The following LRP1B variants were observed in gnomAD, a reference collection of about 807,000 sequenced individuals.
LRP1B encodes the protein low-density lipoprotein receptor-related protein 1B.
A neutral mutation model predicts 556.6 loss-of-function variants in LRP1B; 217 were observed. That is an observed-to-expected ratio of 0.39 (90% CI 0.35 to 0.44). The LOEUF (loss-of-function observed/expected upper bound fraction) is 0.44, where lower values mean the gene tolerates loss of function less well. Among genes scored for constraint, LRP1B ranks in the 20% least tolerant of loss-of-function variants. The pLI is 1.00. For missense variants in LRP1B, 5,053 were observed against 5,620.8 expected (o/e 0.90, Z 3.23); for synonymous variants, 2,047 against 1,865.8 (o/e 1.10, Z -2.50).
In LRP1B at chr2:141,662,950, C is replaced by CA. The variant is rs1168250809; in HGVS notation, c.205+147328dup. 1.4e-3 allele frequency among the ~76,000 whole-genome samples: 195 copies of CA among 138,158 alleles called. 5 individuals are homozygous for CA. Among genetic ancestry groups the CA allele is most frequent in the Non-Finnish European group, 2.9e-4 (18 of 62,452 alleles). 90.6% of individuals were successfully genotyped at this position (138,158 alleles called of 152,430 possible). On this transcript the variant is annotated intron_variant, in intron 2 of 90. Transcript: ENST00000389484. ...GAAGTAAAACACTCTTCAGCAAATG[C>CA]AAAAAAAATAAATAAAAAAAAAGAA...
At chr2:140,281,408 G>A (rs1307119927) in intron 84 of LRP1B, among the ~76,000 whole-genome samples, 1 of 151,774 alleles carries the variant, frequency 6.6e-6, no homozygotes, top group Non-Finnish European at 1.5e-5. Flanking sequence ...GAAATTTAAA[G>A]AGAAGAAAAT....
chr2:142,049,191 G>A lies in LRP1B; in HGVS notation c.82+81457C>T, dbSNP rs537004968. Among the ~76,000 whole-genome samples, 13 of 152,084 alleles carry A rather than the reference G, an allele frequency of 8.5e-5. No individual in the cohort carries two copies. In the East Asian group the frequency reaches 1.9e-3, roughly 23 times the overall value. On this transcript the variant is annotated intron_variant, in intron 1 of 90. Transcript: ENST00000389484. ...GTGCATGAACAATCAATCCAGAGAA[G>A]ACAGATGGTCAACAAAGCATTTCAC...
intron 32 of LRP1B, among the ~76,000 whole-genome samples, chr2:140,777,414 T>C (rs1241879130): frequency 3.3e-5 from 5 of 152,176 alleles, no homozygotes; most frequent in Non-Finnish European, 7.4e-5. Flanking sequence ...CTAGCATTCA[T>C]GGGAATCAAA....
At chr2:141,955,656 G>T (rs1344497779) in intron 1 of LRP1B, among the ~76,000 whole-genome samples, 1 of 152,024 alleles carries the variant, frequency 6.6e-6, no homozygotes, top group Non-Finnish European at 1.5e-5. Flanking sequence ...ATGAAGCTAG[G>T]TTATTTATTC....
chr2:140,938,613 G>A (rs1695300989), intron 20 of LRP1B, among the ~76,000 whole-genome samples: 1 of 152,066 alleles, frequency 6.6e-6, no homozygotes, highest in African/African-American at 2.4e-5. Flanking sequence ...ACAGGTGACT[G>A]GATATAGGAA....
intron 2 of LRP1B, among the ~76,000 whole-genome samples, chr2:141,743,501 C>CTTTTTTTT (rs796287062): frequency 1.7e-5 from 2 of 119,042 alleles, no homozygotes; most frequent in African/African-American, 3.7e-5. Flanking sequence ...TTTTTTTTTT[C>CTTTTTTTT]TTTTTTTTTT....
At chr2:141,278,251 C>T (rs1210032614) in intron 3 of LRP1B, among the ~76,000 whole-genome samples, 2 of 152,130 alleles carry the variant, frequency 1.3e-5, no homozygotes, top group Non-Finnish European at 2.9e-5. Context: ...CAGGAAGAGT[C>T]ACCTTGAGAT....
intron 67 of LRP1B, among the ~76,000 whole-genome samples, chr2:140,382,769 C>A (rs1042209658): frequency 5.3e-5 from 8 of 152,128 alleles, no homozygotes; most frequent in Non-Finnish European, 8.8e-5. Context: ...GATTCATAAA[C>A]AAAGAAGTCC....
intron 2 of LRP1B, among the ~76,000 whole-genome samples, chr2:141,761,509 T>A (rs565796231): frequency 6.6e-6 from 1 of 152,256 alleles, no homozygotes; most frequent in South Asian, 2.1e-4. Flanking sequence ...AATTAAAAAT[T>A]TGCTTAAAAA....
chr2:141,648,276 A>C (rs1689656678), intron 2 of LRP1B, among the ~76,000 whole-genome samples: 1 of 152,144 alleles, frequency 6.6e-6, no homozygotes, highest in Non-Finnish European at 1.5e-5. Flanking sequence ...CAATAATCAC[A>C]AAGTATCAGA....
At chr2:141,724,944 C>A (rs1692972425) in intron 2 of LRP1B, among the ~76,000 whole-genome samples, 1 of 151,894 alleles carries the variant, frequency 6.6e-6, no homozygotes, top group Admixed American at 6.6e-5. Flanking sequence ...ATATTTCTAA[C>A]CAATATTGGT....
At chr2:141,018,642 C>T (rs899352798) in intron 12 of LRP1B, among the ~76,000 whole-genome samples, 8 of 152,048 alleles carry the variant, frequency 5.3e-5, no homozygotes, top group Non-Finnish European at 1.0e-4. Flanking sequence ...TATCAGAAAA[C>T]ATTTTCTCTA....
chr2:140,371,241 C>T lies in LRP1B; in HGVS notation c.10813G>A (p.Gly3605Arg), dbSNP rs2105166920. 6.3e-7 allele frequency: 1 copy of T among 1,596,636 alleles called. No homozygotes were observed. Among genetic ancestry groups the T allele is most frequent in the Non-Finnish European group, 8.5e-7 (1 of 1,171,552 alleles). The stretch of plus-strand genomic sequence containing the variant: ...CATTTCAAAGATGCTGAAATACATC[C>T]ATCACTGGCACATATATATTCACGT... ...SSREYICASD[G>R]CISASLKCNG... is the part of the protein sequence containing the mutation. The change falls in exon 70 of 91, where the codon GGA becomes AGA. Residue 3605 changes from glycine to arginine, a missense_variant. Physicochemically the swap from Gly to Arg is moderately radical, Grantham distance 125. Transcript: ENST00000389484.
At chr2:141,972,891 G>A (rs1027090349) in intron 1 of LRP1B, among the ~76,000 whole-genome samples, 1 of 151,162 alleles carries the variant, frequency 6.6e-6, no homozygotes. Flanking sequence ...TTTTCTAAAG[G>A]GATTAATAGA....
chr2:141,543,623 G>T (rs1685351511), intron 2 of LRP1B, among the ~76,000 whole-genome samples: 1 of 151,674 alleles, frequency 6.6e-6, no homozygotes, highest in Non-Finnish European at 1.5e-5. Flanking sequence ...TACTGAAAAG[G>T]CTGAAGCAGG....
At position 140,238,285 on chromosome 2, in the gene LRP1B, A is replaced by C; in HGVS notation, c.13427T>G (p.Ile4476Ser). The change falls in exon 89 of 91, where the codon ATT becomes AGT. Residue 4476 changes from isoleucine (I) to serine (S), a missense_variant. By Grantham distance (142) the Ile-to-Ser change is moderately radical. Coordinates refer to ENST00000389484, the MANE Select transcript of LRP1B (RefSeq NM_018557.3). ...LCKRKRRTKT[I>S]RRQPIINGGI... ...TCCATTGATAATAGGTTGTCTTCTA[A>C]TTGTTTTTGTCCTAGAATATATAAA... 1 of 1,535,378 alleles carries C rather than the reference A, an allele frequency of 6.5e-7. No homozygotes were observed. The highest frequency in any genetic ancestry group is 9.0e-7 in the Non-Finnish European group (1 of 1,113,186).
intron 43 of LRP1B, among the ~76,000 whole-genome samples, chr2:140,584,474 G>A (rs1350109949): frequency 5.9e-5 from 9 of 151,956 alleles, no homozygotes; most frequent in African/African-American, 2.2e-4. Context: ...ATACAATGAG[G>A]CAGGTAGGAG....
intron 11 of LRP1B, among the ~76,000 whole-genome samples, chr2:141,040,152 TA>T (rs1698655359): frequency 6.6e-6 from 1 of 152,084 alleles, no homozygotes; most frequent in Non-Finnish European, 1.5e-5. Flanking sequence ...TTTCCTTTAA[TA>T]GTTGGTCAGA....
intron 45 of LRP1B, among the ~76,000 whole-genome samples, chr2:140,539,043 T>C (rs1905925): frequency 0.46 from 70,662 of 151,988 alleles, 16,793 homozygotes; most frequent in South Asian, 0.58. Flanking sequence ...CCTTATTCTC[T>C]TGCACAGCAA....
Sources: allele counts gnomAD v4.1 joint callset (sites outside exome capture counted in the v4.1 genomes callset), GRCh38; gene constraint gnomAD v4.1.1; transcripts MANE v1.5; gene names NCBI Gene and HGNC (gene_info 2026-07-23, HGNC 2026-07-21).